Variants in DIS3L2 observed in about 807,000 individuals in gnomAD.
The protein encoded by DIS3L2 is DIS3 like 3'-5' exoribonuclease 2, also known as DIS3-like exonuclease 2.
Under a neutral mutation model 97.5 loss-of-function variants are expected in DIS3L2, and 34 were observed. The ratio of observed to expected loss-of-function variants is 0.35; its 90% CI spans 0.27 to 0.46. The LOEUF is 0.46. Among genes scored for constraint, DIS3L2 ranks in the 20% least tolerant of loss-of-function variants. DIS3L2 has a pLI of 1.00. For missense variants in DIS3L2, 1,038 were observed against 1,146.0 expected (o/e 0.91, Z 1.36); for synonymous variants, 435 against 445.2 (o/e 0.98, Z 0.29).
At chr2:232,310,443 G>T (rs1024342201) in intron 14 of DIS3L2, among the ~76,000 whole-genome samples, 1 of 152,158 alleles carries the variant, frequency 6.6e-6, no homozygotes, top group African/African-American at 2.4e-5. Flanking sequence ...TGCTGGATTC[G>T]GGTAGTGTTC....
At chr2:232,006,044 C>T (rs1474727234) in intron 1 of DIS3L2, among the ~76,000 whole-genome samples, 19 of 152,058 alleles carry the variant, frequency 1.2e-4, no homozygotes, top group Non-Finnish European at 1.0e-4. Context: ...AAAAATTAGC[C>T]GGGCATGGTG....
chr2:232,058,681 A>G (rs1695614375), intron 5 of DIS3L2, among the ~76,000 whole-genome samples: 1 of 152,172 alleles, frequency 6.6e-6, no homozygotes, highest in Admixed American at 6.5e-5. Context: ...TTCTTGAGTC[A>G]ATAAGGAGTT....
At chr2:232,099,167 T>C (rs1697122160) in intron 6 of DIS3L2, among the ~76,000 whole-genome samples, 1 of 152,206 alleles carries the variant, frequency 6.6e-6, no homozygotes, top group Admixed American at 6.5e-5. Flanking sequence ...TGTCATTATT[T>C]TAAAAATACA....
chr2:231,962,585 C>T lies in DIS3L2; in HGVS notation c.-94+820C>T, dbSNP rs567706868. Among the ~76,000 whole-genome samples the T allele has an allele frequency of 1.9e-3, 287 of 152,206 alleles. 2 individuals are homozygous for T. Among genetic ancestry groups the T allele is most frequent in the Non-Finnish European group, 3.3e-3 (227 of 68,010 alleles). ...GAGTAGCTGGGACTACAGGCGCCCG[C>T]CACCCCGCCCGGCTAATTTTTTTGT... On this transcript the variant is annotated intron_variant, in intron 1 of 20. Transcript: ENST00000325385.
chr2:232,324,405 G>A (rs993121528), intron 14 of DIS3L2, among the ~76,000 whole-genome samples: 4 of 152,144 alleles, frequency 2.6e-5, no homozygotes, highest in African/African-American at 7.2e-5. Context: ...CGTGACAAGG[G>A]CCCTGGTGGC....
At chr2:231,967,743 CT>C (rs1692763150) in intron 1 of DIS3L2, among the ~76,000 whole-genome samples, 1 of 151,998 alleles carries the variant, frequency 6.6e-6, no homozygotes, top group Non-Finnish European at 1.5e-5. Context: ...TCAAATCAGT[CT>C]TTTATAATAG....
At chr2:232,234,946 G>A (rs930816278) in intron 10 of DIS3L2, among the ~76,000 whole-genome samples, 1 of 152,228 alleles carries the variant, frequency 6.6e-6, no homozygotes, top group Non-Finnish European at 1.5e-5. Context: ...TATAGCAGGG[G>A]CCACCTGGCA....
intron 1 of DIS3L2, among the ~76,000 whole-genome samples, chr2:231,984,384 CTTTTTTT>C (rs1297535054): frequency 2.4e-5 from 3 of 126,020 alleles, no homozygotes; most frequent in Admixed American, 8.1e-5. Context: ...ACTGCAACTT[CTTTTTTT>C]TTTTTTTTTT....
intron 14 of DIS3L2, among the ~76,000 whole-genome samples, chr2:232,318,033 G>A (rs1360534139): frequency 6.6e-6 from 1 of 152,208 alleles, no homozygotes; most frequent in Non-Finnish European, 1.5e-5. Context: ...AGCAATACAA[G>A]AATACTGGCA....
intron 9 of DIS3L2, among the ~76,000 whole-genome samples, chr2:232,188,457 G>A (rs1691508667): frequency 6.6e-6 from 1 of 152,174 alleles, no homozygotes; most frequent in Admixed American, 6.5e-5. Flanking sequence ...TAACAGAGGA[G>A]CAAACGCAGT....
At chr2:232,238,306 T>C (rs1020146003) in intron 10 of DIS3L2, among the ~76,000 whole-genome samples, 1 of 152,190 alleles carries the variant, frequency 6.6e-6, no homozygotes, top group African/African-American at 2.4e-5. Flanking sequence ...TAATCTTGTT[T>C]ATTCACAAGA....
At chr2:232,113,815 G>T (rs1233769297) in intron 6 of DIS3L2, among the ~76,000 whole-genome samples, 1 of 152,152 alleles carries the variant, frequency 6.6e-6, no homozygotes, top group Non-Finnish European at 1.5e-5. Context: ...CCTCCTTCTT[G>T]CCTGAAGACT....
chr2:231,998,361 G>T (rs1693786391), intron 1 of DIS3L2, among the ~76,000 whole-genome samples: 1 of 152,184 alleles, frequency 6.6e-6, no homozygotes, highest in Non-Finnish European at 1.5e-5. Flanking sequence ...ATTCACTATG[G>T]TTGAGCCTTC....
chr2:232,000,662 C>A (rs1693864180), intron 1 of DIS3L2, among the ~76,000 whole-genome samples: 1 of 92,916 alleles, frequency 1.1e-5, no homozygotes, highest in Non-Finnish European at 2.3e-5. Context: ...CCTTTCCTTT[C>A]TCTTTCTCTC....
In DIS3L2 at chr2:232,116,219, T is replaced by C. The variant is rs553374544; in HGVS notation, c.602-14400T>C. 4.0e-5 allele frequency among the ~76,000 whole-genome samples: 6 copies of C among 150,200 alleles called. No individual in the cohort carries two copies. In the Admixed American group the frequency reaches 4.0e-4, roughly 10 times the overall value. On this transcript the variant is annotated intron_variant, in intron 6 of 20. Coordinates refer to ENST00000325385, the MANE Select transcript of DIS3L2 (RefSeq NM_152383.5). ...ATAAATAAATAAATAAATAAATAAA[T>C]AAAACAGATGAATACTATTGTGAAG...
chr2:232,025,448 G>T (rs182692380), intron 4 of DIS3L2, among the ~76,000 whole-genome samples: 2 of 152,210 alleles, frequency 1.3e-5, no homozygotes, highest in Non-Finnish European at 2.9e-5. Flanking sequence ...CCTGCCTTCT[G>T]AAATCCAGGG....
At chr2:232,157,805 G>C (rs1272748281) in intron 8 of DIS3L2, among the ~76,000 whole-genome samples, 4 of 152,228 alleles carry the variant, frequency 2.6e-5, no homozygotes, top group Non-Finnish European at 5.9e-5. Flanking sequence ...AGAAGTGAAT[G>C]TTGTGGAGTG....
chr2:232,060,102 C>T (rs909335929), intron 5 of DIS3L2, among the ~76,000 whole-genome samples: 8 of 152,022 alleles, frequency 5.3e-5, no homozygotes, highest in East Asian at 1.9e-4. Context: ...GGGATATCTG[C>T]GAAATAGTTT....
chr2:232,193,129 C>A (rs143409690), intron 9 of DIS3L2, among the ~76,000 whole-genome samples: 1,559 of 152,330 alleles, frequency 0.01, 15 homozygotes, highest in Non-Finnish European at 0.014. Context: ...TCCTTTGTCC[C>A]AATTTCCAAA....
Sources: allele counts gnomAD v4.1 joint callset (sites outside exome capture counted in the v4.1 genomes callset), GRCh38; gene constraint gnomAD v4.1.1; transcripts MANE v1.5; gene names NCBI Gene and HGNC (gene_info 2026-07-23, HGNC 2026-07-21).